Variants in SPOCK3 observed in about 807,000 individuals in gnomAD.
SPOCK3 encodes SPARC (osteonectin), cwcv and kazal like domains proteoglycan 3, also known as testican-3.
SPOCK3 carries 30 observed loss-of-function variants against 56.6 expected under a neutral mutation model. The observed-to-expected ratio is 0.53, with a 90% CI of 0.40 to 0.72. The LOEUF is 0.72. Among genes scored for constraint, SPOCK3 ranks in the 30% least tolerant of loss-of-function variants. The pLI is 0.00. For synonymous variants in SPOCK3, 196 were observed against 183.3 expected (o/e 1.07, Z -0.56); for missense variants, 527 against 530.0 (o/e 0.99, Z 0.06).
intron 4 of SPOCK3, among the ~76,000 whole-genome samples, chr4:166,999,883 C>T (rs2150126762): frequency 6.6e-6 from 1 of 152,170 alleles, no homozygotes; most frequent in Admixed American, 6.6e-5. Flanking sequence ...ATGAGTGACC[C>T]CTAAAGAAGG....
intron 6 of SPOCK3, among the ~76,000 whole-genome samples, chr4:166,826,973 T>C (rs1406527342): frequency 1.3e-5 from 2 of 151,992 alleles, no homozygotes; most frequent in African/African-American, 2.4e-5. Context: ...TCTTAAAAAT[T>C]TTGCTGGGCC....
intron 2 of SPOCK3, among the ~76,000 whole-genome samples, chr4:167,133,985 C>T (rs992059540): frequency 7.0e-6 from 1 of 143,326 alleles, no homozygotes; most frequent in African/African-American, 2.6e-5. Context: ...ATTTATTATG[C>T]TTTGCCTTAT....
rs150648057 is a variant in SPOCK3 at position 166,793,825 on chromosome 4, T to C, written c.590-1536A>G. On this transcript the variant is annotated intron_variant, in intron 6 of 10. Transcript: ENST00000357545. ...TTTCATATTTCTAAGAGAAATCAGGTGGGAAAGTAAGGTAAAGAAATTTTT... is the reference window on the plus strand; with the variant it reads ...TTTCATATTTCTAAGAGAAATCAGGCGGGAAAGTAAGGTAAAGAAATTTTT... Among the ~76,000 whole-genome samples, 941 of 152,226 alleles carry C rather than the reference T, an allele frequency of 6.2e-3. 33 individuals carry two copies. Among genetic ancestry groups the C allele is most frequent in the Non-Finnish European group, 2.5e-3 (173 of 68,012 alleles).
At chr4:167,122,973 A>T (rs1345083563) in intron 2 of SPOCK3, among the ~76,000 whole-genome samples, 1 of 151,782 alleles carries the variant, frequency 6.6e-6, no homozygotes, top group East Asian at 1.9e-4. Context: ...ATAAAAAAAA[A>T]TACGGAGAGT....
At chr4:166,741,742 G>A (rs1055790204) in intron 9 of SPOCK3, among the ~76,000 whole-genome samples, 7 of 151,964 alleles carry the variant, frequency 4.6e-5, no homozygotes, top group Non-Finnish European at 7.4e-5. Flanking sequence ...TTTAACTTTA[G>A]CATTGCTTAA....
chr4:166,765,763 T>A (rs970278113), intron 7 of SPOCK3, among the ~76,000 whole-genome samples: 2 of 152,240 alleles, frequency 1.3e-5, no homozygotes, highest in Non-Finnish European at 2.9e-5. Flanking sequence ...ATTGAATCTA[T>A]AAATTACCTT....
intron 8 of SPOCK3, among the ~76,000 whole-genome samples, chr4:166,745,261 GGAAGCCCATCA>G (rs200570721): frequency 0.33 from 49,523 of 151,566 alleles, 8,006 homozygotes; most frequent in Admixed American, 0.41. Context: ...ACCCACAAAG[GGAAGCCCATCA>G]GACTAACAGC....
At chr4:167,214,805 C>T (rs984011663) in intron 2 of SPOCK3, among the ~76,000 whole-genome samples, 16 of 151,932 alleles carry the variant, frequency 1.1e-4, no homozygotes, top group Non-Finnish European at 1.5e-4. Context: ...AGTGAGAACC[C>T]TTTCTCTAGG....
intron 2 of SPOCK3, among the ~76,000 whole-genome samples, chr4:167,114,599 A>T (rs2150352691): frequency 6.6e-6 from 1 of 152,316 alleles, no homozygotes; most frequent in South Asian, 2.1e-4. Flanking sequence ...TGTAATTTTC[A>T]GCAGTCACAG....
intron 5 of SPOCK3, among the ~76,000 whole-genome samples, chr4:166,890,696 A>G (rs1010657521): frequency 1.3e-5 from 2 of 151,974 alleles, no homozygotes; most frequent in Non-Finnish European, 2.9e-5. Context: ...AATTTTAGAA[A>G]AAGTGTGATG....
At chr4:167,058,999 T>C in intron 3 of SPOCK3, among the ~76,000 whole-genome samples, 1 of 151,940 alleles carries the variant, frequency 6.6e-6, no homozygotes, top group Non-Finnish European at 1.5e-5. Flanking sequence ...CAAAAATCAA[T>C]TCAAGATGGA....
chr4:166,911,816 G>A (rs547916718), intron 5 of SPOCK3, among the ~76,000 whole-genome samples: 15 of 152,260 alleles, frequency 9.9e-5, no homozygotes, highest in East Asian at 3.9e-4. Context: ...GGTTACAGGC[G>A]TGAACCACTG....
At chr4:166,855,718 A>T (rs1301922097) in intron 6 of SPOCK3, among the ~76,000 whole-genome samples, 2 of 152,102 alleles carry the variant, frequency 1.3e-5, no homozygotes, top group Non-Finnish European at 2.9e-5. Flanking sequence ...CATCAGAATC[A>T]CTCAGAGGGT....
rs577018490 is a variant in SPOCK3 at position 167,181,126 on chromosome 4, T to G, written c.189+52859A>C. Among the ~76,000 whole-genome samples, 39 of 152,256 alleles carry G rather than the reference T, an allele frequency of 2.6e-4. No individual in the cohort carries two copies. The South Asian group carries it at 7.7e-3, about 30-fold the overall frequency. On this transcript the variant is annotated intron_variant, in intron 2 of 10. Transcript: ENST00000357545. ...CCATTTTTTCCTTAATCCTCCAGAC[T>G]CTGAAATCTATATCCCTACTGACCT...
intron 8 of SPOCK3, chr4:166,754,279 C>T: frequency 8.0e-7 from 1 of 1,249,482 alleles, no homozygotes. Flanking sequence ...AATGTAGTGG[C>T]ATTAATACAA....
intron 6 of SPOCK3, among the ~76,000 whole-genome samples, chr4:166,841,184 A>T (rs918371722): frequency 6.6e-6 from 1 of 152,284 alleles, no homozygotes; most frequent in Non-Finnish European, 1.5e-5. Context: ...GGAGACCGAC[A>T]TAAACACGCT....
At chr4:166,961,563 A>C (rs1744151304) in intron 4 of SPOCK3, among the ~76,000 whole-genome samples, 1 of 151,996 alleles carries the variant, frequency 6.6e-6, no homozygotes, top group African/African-American at 2.4e-5. Context: ...GAAAAAAAAA[A>C]AGCTTATCAA....
Position 166,734,984 on chromosome 4 carries a change from T to C in SPOCK3, c.1239A>G (p.Glu413=). Residue 413 remains glutamate (E), a synonymous_variant, in exon 11 of 11, where the codon GAA becomes GAG. Transcript: ENST00000357545. ...CATCCCCTTCATCTTCATCATCATC[T>C]TCAATTTCATCTTCATCATTCATAA... The part of the protein sequence containing the change: ...DDIMNDEDEI[E]DDDEDEGDDD... 6.5e-7 allele frequency: 1 copy of C among 1,532,598 alleles called. No individual in the cohort carries two copies. Among genetic ancestry groups the C allele is most frequent in the Non-Finnish European group, 9.0e-7 (1 of 1,106,592 alleles). The allele number at this position is 1,532,598 out of a possible 1,614,324, so 94.9% of individuals were successfully genotyped here.
chr4:167,074,893 CAT>C (rs1757032869), intron 2 of SPOCK3, among the ~76,000 whole-genome samples: 2 of 151,982 alleles, frequency 1.3e-5, no homozygotes, highest in South Asian at 4.2e-4. Context: ...AATAGTTATA[CAT>C]AGAGTACGTA....
Sources: allele counts gnomAD v4.1 joint callset (sites outside exome capture counted in the v4.1 genomes callset), GRCh38; gene constraint gnomAD v4.1.1; transcripts MANE v1.5; gene names NCBI Gene and HGNC (gene_info 2026-07-23, HGNC 2026-07-21).